Variants in SYBU observed in about 807,000 individuals in gnomAD.
SYBU encodes syntabulin.
In SYBU, 21 loss-of-function variants were observed where a neutral mutation model predicts 35.9. That is an observed-to-expected ratio of 0.58 (90% confidence interval 0.41 to 0.84). The LOEUF (loss-of-function observed/expected upper bound fraction) is 0.84, where lower values mean the gene tolerates loss of function less well. SYBU is among the 40% of genes least tolerant of loss of function. SYBU has a pLI of 0.00. For synonymous variants in SYBU, 319 were observed against 324.3 expected (o/e 0.98, Z 0.18); for missense variants, 768 against 848.2 (o/e 0.91, Z 1.17).
intron 1 of SYBU, among the ~76,000 whole-genome samples, chr8:109,671,094 A>T (rs1398402498): frequency 6.6e-6 from 1 of 152,182 alleles, no homozygotes; most frequent in Non-Finnish European, 1.5e-5. Context: ...GGGTATGAAA[A>T]TGCTGATTTC....
upstream of SYBU, chr8:109,644,973 T>TC (rs985098077): frequency 2.0e-6 from 1 of 504,682 alleles, no homozygotes; most frequent in African/African-American, 2.0e-5. Context: ...CCGCCCGATT[T>TC]CCCCACGGCA....
At chr8:109,613,347 A>G (rs1811399286) in intron 3 of SYBU, among the ~76,000 whole-genome samples, 2 of 152,350 alleles carry the variant, frequency 1.3e-5, no homozygotes, top group South Asian at 2.1e-4. Flanking sequence ...GCCAGGTCCA[A>G]CACAGAGCAC....
At position 109,609,206 on chromosome 8, in the gene SYBU, C is replaced by T. The variant is rs184661643; in HGVS notation, c.427+9636G>A. On this transcript the variant is annotated intron_variant, in intron 3 of 6. Transcript: ENST00000276646. ...CCTTCCAAAGCCTCTTATTACAGGG[C>T]TCTCTCCTAATTACCTTCTTTGAAC... Among the ~76,000 whole-genome samples, 170 of 152,306 alleles carry T rather than the reference C, an allele frequency of 1.1e-3. 1 individual carries two copies. The highest frequency in any genetic ancestry group is 9.7e-3 in the East Asian group (50 of 5,180).
chr8:109,613,503 C>A (rs1026888444), intron 3 of SYBU, among the ~76,000 whole-genome samples: 1 of 152,182 alleles, frequency 6.6e-6, no homozygotes, highest in Non-Finnish European at 1.5e-5. Flanking sequence ...GTATGCTGGA[C>A]TCTAGAGCCT....
intron 1 of SYBU, among the ~76,000 whole-genome samples, chr8:109,660,648 AAAAC>A (rs1184068971): frequency 3.5e-4 from 53 of 150,276 alleles, no homozygotes; most frequent in Middle Eastern, 7.1e-3. Flanking sequence ...TTCTAAATAA[AAAAC>A]AAACACATCT....
chr8:109,657,890 ATGCATC>A (rs1816414177), intron 1 of SYBU, among the ~76,000 whole-genome samples: 1 of 152,220 alleles, frequency 6.6e-6, no homozygotes, highest in South Asian at 2.1e-4. Context: ...AAACACTGGG[ATGCATC>A]TTCTTTATGG....
At chr8:109,610,304 C>A (rs138028114) in intron 3 of SYBU, among the ~76,000 whole-genome samples, 23 of 152,280 alleles carry the variant, frequency 1.5e-4, no homozygotes, top group African/African-American at 4.6e-4. Flanking sequence ...ATCCTTAATG[C>A]CTGGAACAAT....
chr8:109,655,320 G>A (rs568921156), intron 1 of SYBU, among the ~76,000 whole-genome samples: 4 of 152,076 alleles, frequency 2.6e-5, no homozygotes, highest in Admixed American at 6.5e-5. Flanking sequence ...AATGATTTTC[G>A]GCTTCGAAAA....
chr8:109,605,545 G>C (rs539850889), intron 3 of SYBU, among the ~76,000 whole-genome samples: 3 of 151,972 alleles, frequency 2.0e-5, no homozygotes, highest in Non-Finnish European at 4.4e-5. Flanking sequence ...GAAAACAGAA[G>C]GAAAGAAGAG....
chr8:109,691,327 T>C lies in SYBU; in HGVS notation c.-58+6A>G, dbSNP rs1358534215. The C allele has an allele frequency of 1.4e-6, 1 of 701,688 alleles. No homozygotes were observed. Among genetic ancestry groups the C allele is most frequent in the East Asian group, 2.7e-5 (1 of 37,086 alleles). The allele number at this position is 701,688 out of a possible 1,614,324, so 43.5% of individuals were successfully genotyped here. A position where few individuals can be genotyped will look rare whatever the true frequency, so the allele number is the denominator to read the frequency against. On this transcript the variant is annotated splice_donor_region_variant and intron_variant, in intron 1 of 7. Transcript: ENST00000422135. The surrounding 1 kb of genome is among the most constrained non-coding windows in gnomAD (Gnocchi z 4.7). ...AGCAGAGACCGCATAGGCGCCCCGG[T>C]CTTACCCTTTCTCGCCCAGAAGGGC...
chr8:109,622,798 A>T (rs978386205), intron 2 of SYBU, among the ~76,000 whole-genome samples: 5 of 152,204 alleles, frequency 3.3e-5, no homozygotes, highest in Admixed American at 6.5e-5. Context: ...AATGACAAAG[A>T]TTTCTAATAT....
chr8:109,607,805 A>ACAC (rs1826215042), intron 3 of SYBU: 2 of 332,380 alleles, frequency 6.0e-6, no homozygotes, highest in Non-Finnish European at 9.7e-6. Flanking sequence ...TACCACAACT[A>ACAC]ACTCACACAC....
At position 109,575,327 on chromosome 8, in the gene SYBU, G is replaced by C. The variant is rs756649298; in HGVS notation, c.1571C>G (p.Ser524Cys). 6.2e-7 allele frequency: 1 copy of C among 1,614,200 alleles called. No individual in the cohort carries two copies. The highest frequency in any genetic ancestry group is 8.5e-7 in the Non-Finnish European group (1 of 1,180,034). The change falls in exon 7 of 7, where the codon TCT becomes TGT. Residue 524 changes from serine (S) to cysteine (C), a missense_variant. Ser to Cys is a moderately radical substitution (Grantham distance 112). Transcript: ENST00000276646. ...CPSSLASPDE[S>C]EPDSMESFPE... ...GAAGCTCTCCATCGAGTCTGGTTCA[G>C]ACTCATCAGGGGACGCCAAGCTCGA...
Position 109,575,773 on chromosome 8 carries a change from G to A in SYBU, c.1125C>T (p.Ser375=), listed in dbSNP as rs965147816. The A allele has an allele frequency of 3.7e-6, 6 of 1,614,016 alleles. No individual in the cohort carries two copies. The Admixed American group carries it at 1.0e-4, about 27-fold the overall frequency. ...GAGAGCCACTGTGTGCCATCTCCAT[G>A]CTCTGAAGGAGAGACTCCAGCTTCT... ...QNKKLESLLQ[S]MEMAHSGSLR... The change falls in exon 7 of 7, where the codon AGC becomes AGT. Residue 375 remains serine, a synonymous_variant. Coordinates refer to ENST00000276646, the MANE Select transcript of SYBU (RefSeq NM_001099754.2).
At chr8:109,689,498 T>C (rs1817595502) in intron 1 of SYBU, among the ~76,000 whole-genome samples, 2 of 152,028 alleles carry the variant, frequency 1.3e-5, no homozygotes, top group Admixed American at 6.6e-5. Context: ...ATTTTTTTTA[T>C]ATTTGGTATT....
chr8:109,625,391 T>C (rs1009432673), intron 2 of SYBU, among the ~76,000 whole-genome samples: 1 of 152,242 alleles, frequency 6.6e-6, no homozygotes, highest in Non-Finnish European at 1.5e-5. Context: ...AAAGGAGTGC[T>C]GATTTAAAAT....
chr8:109,614,951 G>C (rs1265067684), intron 3 of SYBU, among the ~76,000 whole-genome samples: 1 of 152,296 alleles, frequency 6.6e-6, no homozygotes, highest in Admixed American at 6.5e-5. Flanking sequence ...TGTTGGCAAG[G>C]TACAGGCTTG....
intron 3 of SYBU, among the ~76,000 whole-genome samples, chr8:109,596,645 A>G (rs1211594956): frequency 1.3e-5 from 2 of 152,224 alleles, no homozygotes; most frequent in African/African-American, 2.4e-5. Flanking sequence ...ATTCAATATT[A>G]TATTGCGAAA....
At chr8:109,577,111 T>G (rs1194708002) in intron 6 of SYBU, among the ~76,000 whole-genome samples, 1 of 152,082 alleles carries the variant, frequency 6.6e-6, no homozygotes, top group Non-Finnish European at 1.5e-5. Flanking sequence ...CTGCCCACAG[T>G]TTTAGCAACC....
Sources: allele counts gnomAD v4.1 joint callset (sites outside exome capture counted in the v4.1 genomes callset), GRCh38; gene constraint gnomAD v4.1.1; non-coding constraint Gnocchi (gnomAD v3.1); transcripts MANE v1.5; gene names NCBI Gene and HGNC (gene_info 2026-07-23, HGNC 2026-07-21).